CACNA1C: variants seen among roughly 807,000 people sequenced by gnomAD.
The protein encoded by CACNA1C is voltage-dependent L-type calcium channel subunit alpha-1C.
In CACNA1C, 30 loss-of-function variants were observed where a neutral mutation model predicts 229.0. The ratio of observed to expected loss-of-function variants is 0.13; its 90% confidence interval spans 0.10 to 0.18. The LOEUF (loss-of-function observed/expected upper bound fraction) is 0.18, where lower values mean the gene tolerates loss of function less well. Among genes scored for constraint, CACNA1C ranks in the 10% least tolerant of loss-of-function variants. The pLI, the probability that CACNA1C is intolerant of heterozygous loss-of-function variation, is 1.00. For missense variants in CACNA1C, 1,658 were observed against 2,845.0 expected (o/e 0.58, Z 9.49); for synonymous variants, 1,114 against 1,132.5 (o/e 0.98, Z 0.33).
chr12:2,340,605 A>T (rs557598759), intron 3 of CACNA1C, among the ~76,000 whole-genome samples: 12 of 152,304 alleles, frequency 7.9e-5, no homozygotes, highest in Admixed American at 6.5e-4. Flanking sequence ...AGGGATCCGG[A>T]GGGTCCCTGG....
intron 7 of CACNA1C, among the ~76,000 whole-genome samples, chr12:2,496,869 C>A (rs2099747865): frequency 6.6e-6 from 1 of 152,152 alleles, no homozygotes; most frequent in Admixed American, 6.5e-5. Flanking sequence ...TAGGAAATTA[C>A]TTCTTAAGCC....
chr12:2,672,165 C>G (rs751988800), intron 38 of CACNA1C: 4 of 152,160 alleles, frequency 2.6e-5, no homozygotes, highest in Non-Finnish European at 4.4e-5. Flanking sequence ...AGTCCAGTAC[C>G]AAGCCAAAGA....
chr12:1,973,853 C>T (rs562306510), intron 1 of CACNA1C, among the ~76,000 whole-genome samples: 1 of 152,276 alleles, frequency 6.6e-6, no homozygotes, highest in African/African-American at 2.4e-5. Context: ...TGAAAAATTT[C>T]AAAATCTCCT....
chr12:2,246,786 C>A (rs1487029646), intron 3 of CACNA1C, among the ~76,000 whole-genome samples: 1 of 152,188 alleles, frequency 6.6e-6, no homozygotes, highest in Non-Finnish European at 1.5e-5. Flanking sequence ...CATGGAGAAA[C>A]CTGCTGGCAC....
intron 9 of CACNA1C, among the ~76,000 whole-genome samples, chr12:2,515,209 T>C (rs2099793986): frequency 6.6e-6 from 1 of 152,010 alleles, no homozygotes; most frequent in Admixed American, 6.5e-5. Flanking sequence ...AAAAGCAAGA[T>C]GTAGAGAGTA....
In CACNA1C at chr12:2,679,842, G is replaced by A. The variant is rs2097036163; in HGVS notation, c.5444+46G>A. 3 of 1,346,146 alleles carry A rather than the reference G, an allele frequency of 2.2e-6. No individual in the cohort carries two copies. Among genetic ancestry groups the A allele is most frequent in the Non-Finnish European group, 3.1e-6 (3 of 976,618 alleles). The allele number at this position is 1,346,146 out of a possible 1,614,324, so 83.4% of individuals were successfully genotyped here. On this transcript the variant is annotated intron_variant, in intron 42 of 46. Coordinates refer to ENST00000399655, the MANE Select transcript of CACNA1C (RefSeq NM_000719.7). This position sits in a 1 kb window ranked among gnomAD's most constrained non-coding sequence, Gnocchi z 5.5. ...CCCAGGCGGCACACAGGGCCCACGT[G>A]CTGCAACCCTCAGGAGACAGTGGAG...
At chr12:2,385,922 C>T (rs573359277) in intron 3 of CACNA1C, among the ~76,000 whole-genome samples, 34 of 152,284 alleles carry the variant, frequency 2.2e-4, no homozygotes, top group African/African-American at 8.2e-4. Context: ...GAGAGGCCAT[C>T]GCTTCCAGGA....
intron 30 of CACNA1C, among the ~76,000 whole-genome samples, chr12:2,644,980 C>T (rs947452081): frequency 5.3e-5 from 8 of 152,146 alleles, no homozygotes; most frequent in African/African-American, 7.2e-5. Context: ...TGAAAATGCC[C>T]GACCTCTGCC....
chr12:2,334,239 GC>G (rs1211260355), intron 3 of CACNA1C, among the ~76,000 whole-genome samples: 2 of 152,190 alleles, frequency 1.3e-5, no homozygotes, highest in Non-Finnish European at 2.9e-5. Context: ...TCTAGAGGAG[GC>G]CCCCTGAAGT....
In CACNA1C at chr12:2,041,401, C is replaced by T. The variant is rs1303778836; in HGVS notation, c.139+70200C>T. On this transcript the variant is annotated intron_variant, in intron 1 of 46. Transcript: ENST00000682462. The stretch of plus-strand genomic sequence containing the variant: ...ATGCCATTCTCCCGCCTCAGCCTCC[C>T]GAGTAGCTGGGACTACAGGCGCTTG... 1.5e-4 allele frequency among the ~76,000 whole-genome samples: 22 copies of T among 151,532 alleles called. 1 individual carries two copies. The highest frequency in any genetic ancestry group is 1.2e-3 in the Admixed American group (18 of 15,204).
At chr12:2,444,722 C>G (rs1249811285) in intron 3 of CACNA1C, among the ~76,000 whole-genome samples, 4 of 152,184 alleles carry the variant, frequency 2.6e-5, no homozygotes, top group Non-Finnish European at 4.4e-5. Flanking sequence ...TTAGAAACCT[C>G]AGGGAGGGGG....
chr12:2,149,330 G>A (rs2154210428), intron 3 of CACNA1C, among the ~76,000 whole-genome samples: 1 of 152,298 alleles, frequency 6.6e-6, no homozygotes, highest in Non-Finnish European at 1.5e-5. Context: ...TCAAAGCCAA[G>A]AGAAAGAAAG....
intron 3 of CACNA1C, among the ~76,000 whole-genome samples, chr12:2,328,273 G>A (rs947555862): frequency 4.6e-5 from 7 of 152,202 alleles, no homozygotes; most frequent in African/African-American, 1.7e-4. Context: ...CCTCCCTGGG[G>A]ATACTCAGCT....
intron 27 of CACNA1C, among the ~76,000 whole-genome samples, chr12:2,609,584 A>G (rs2076742549): frequency 6.7e-6 from 1 of 149,464 alleles, no homozygotes. Context: ...GTATCCGGTT[A>G]ATGATGGTAG....
chr12:2,210,004 G>T (rs1001351214), intron 3 of CACNA1C, among the ~76,000 whole-genome samples: 21 of 152,158 alleles, frequency 1.4e-4, no homozygotes, highest in African/African-American at 4.1e-4. Flanking sequence ...AAGGAGGGAA[G>T]AGAGAGAGAT....
intron 3 of CACNA1C, among the ~76,000 whole-genome samples, chr12:2,445,029 C>T (rs972928688): frequency 6.6e-6 from 1 of 152,178 alleles, no homozygotes; most frequent in Non-Finnish European, 1.5e-5. Context: ...TCCTGCCGGG[C>T]CCTCCAGCCC....
chr12:2,330,594 G>A (rs1220465671), intron 3 of CACNA1C, among the ~76,000 whole-genome samples: 2 of 152,186 alleles, frequency 1.3e-5, no homozygotes, highest in African/African-American at 4.8e-5. Flanking sequence ...TGCTTAGCCA[G>A]GATGCTATTT....
At chr12:2,016,555 G>A (rs545787969) in intron 1 of CACNA1C, among the ~76,000 whole-genome samples, 5 of 151,948 alleles carry the variant, frequency 3.3e-5, no homozygotes, top group African/African-American at 7.3e-5. Flanking sequence ...TCAGCCTCTC[G>A]AGTAGTTGGG....
intron 1 of CACNA1C, among the ~76,000 whole-genome samples, chr12:1,984,588 CT>C (rs1427068619): frequency 1.3e-5 from 2 of 151,834 alleles, no homozygotes; most frequent in African/African-American, 4.8e-5. Flanking sequence ...AATGTTATAA[CT>C]TTTGCTTTCA....
Sources: gnomAD v4.1 joint callset for allele counts (sites outside exome capture counted in the v4.1 genomes callset) on GRCh38, gnomAD v4.1.1 for gene constraint, Gnocchi (gnomAD v3.1) non-coding constraint, MANE v1.5 for transcripts, NCBI Gene and HGNC (gene_info 2026-07-23, HGNC 2026-07-21) for gene names.